Variants in SNX24 observed in about 807,000 individuals in gnomAD.
SNX24 encodes the protein sorting nexin 24, also known as sorting nexin-24.
Under a neutral mutation model 28.7 loss-of-function variants are expected in SNX24, and 22 were observed. That is an observed-to-expected ratio of 0.77 (90% confidence interval 0.55 to 1.10). The LOEUF (loss-of-function observed/expected upper bound fraction) is 1.10, where lower values mean the gene tolerates loss of function less well. SNX24 is among the 50% of genes least tolerant of loss of function. SNX24 has a pLI of 0.00. For missense variants in SNX24, 221 were observed against 201.1 expected, an observed-to-expected ratio of 1.10 and a Z score of -0.60; for synonymous variants, 69 against 71.5, an observed-to-expected ratio of 0.96 and a Z score of 0.18.
At chr5:122,883,490 C>T (rs935472996) in intron 1 of SNX24, among the ~76,000 whole-genome samples, 3 of 152,066 alleles carry the variant, frequency 2.0e-5, no homozygotes, top group Non-Finnish European at 4.4e-5. Context: ...TTTTAAACTT[C>T]TTTCGTTGGT....
chr5:122,976,776 G>C (rs755611406), intron 3 of SNX24, among the ~76,000 whole-genome samples: 1 of 152,250 alleles, frequency 6.6e-6, no homozygotes. Flanking sequence ...TAAATGCCTA[G>C]AGTGCGTAAA....
chr5:122,930,596 T>C (rs1370185795), intron 1 of SNX24, among the ~76,000 whole-genome samples: 1 of 152,208 alleles, frequency 6.6e-6, no homozygotes, highest in East Asian at 1.9e-4. Context: ...CTGGGATATA[T>C]AAACCCTTTT....
At chr5:122,874,434 G>A (rs1756133175) in intron 1 of SNX24, among the ~76,000 whole-genome samples, 1 of 152,226 alleles carries the variant, frequency 6.6e-6, no homozygotes, top group Non-Finnish European at 1.5e-5. Flanking sequence ...GAAAGCAGCT[G>A]GGTGAGATAT....
At chr5:122,940,092 C>T (rs1455407910) in intron 2 of SNX24, among the ~76,000 whole-genome samples, 1 of 151,922 alleles carries the variant, frequency 6.6e-6, no homozygotes, top group African/African-American at 2.4e-5. Flanking sequence ...CTCCCAGGTT[C>T]AAGCAATTCT....
At chr5:122,911,587 G>A (rs1757891361) in intron 1 of SNX24, among the ~76,000 whole-genome samples, 1 of 148,990 alleles carries the variant, frequency 6.7e-6, no homozygotes, top group Admixed American at 6.7e-5. Flanking sequence ...TTCTTCTAGG[G>A]TTTTTATGGT....
chr5:122,918,635 A>G (rs1758287915), intron 1 of SNX24, among the ~76,000 whole-genome samples: 1 of 152,224 alleles, frequency 6.6e-6, no homozygotes, highest in Non-Finnish European at 1.5e-5. Flanking sequence ...TAGATTAGGA[A>G]TTTAATAAAT....
chr5:122,875,929 C>A (rs1283002411), intron 1 of SNX24, among the ~76,000 whole-genome samples: 4 of 152,232 alleles, frequency 2.6e-5, no homozygotes, highest in African/African-American at 7.2e-5. Context: ...GCCTTATTAG[C>A]CCTGCATGGT....
intron 1 of SNX24, among the ~76,000 whole-genome samples, chr5:122,901,721 G>C (rs997889797): frequency 6.6e-5 from 10 of 152,074 alleles, no homozygotes; most frequent in Non-Finnish European, 1.3e-4. Flanking sequence ...TCCCTTGGAT[G>C]TGTCATACAC....
intron 1 of SNX24, among the ~76,000 whole-genome samples, chr5:122,857,703 C>T (rs1383053504): frequency 6.6e-6 from 1 of 152,128 alleles, no homozygotes; most frequent in African/African-American, 2.4e-5. Context: ...GGATAACGGC[C>T]TCCAGCTTCA....
intron 3 of SNX24, among the ~76,000 whole-genome samples, chr5:122,964,659 A>G (rs1175276608): frequency 2.0e-5 from 3 of 152,110 alleles, no homozygotes; most frequent in African/African-American, 7.2e-5. Context: ...GAAATTTTCA[A>G]TATATAAAAA....
chr5:122,980,978 GA>G (rs1212332767), intron 3 of SNX24, among the ~76,000 whole-genome samples: 2 of 152,014 alleles, frequency 1.3e-5, no homozygotes, highest in African/African-American at 4.8e-5. Context: ...AGGTCAAAGG[GA>G]ATCCGTAAGC....
intron 1 of SNX24, among the ~76,000 whole-genome samples, chr5:122,865,514 A>T (rs1755677912): frequency 6.6e-6 from 1 of 152,078 alleles, no homozygotes; most frequent in South Asian, 2.1e-4. Flanking sequence ...TATTTTTAGT[A>T]GAGTAGTAGA....
At chr5:122,961,550 G>A (rs917982985) in intron 3 of SNX24, among the ~76,000 whole-genome samples, 1 of 152,122 alleles carries the variant, frequency 6.6e-6, no homozygotes, top group Non-Finnish European at 1.5e-5. Flanking sequence ...TAACAGTACC[G>A]TCCTTCTACA....
At chr5:122,929,719 CAT>C (rs750584562) in intron 1 of SNX24, among the ~76,000 whole-genome samples, 1 of 151,806 alleles carries the variant, frequency 6.6e-6, no homozygotes, top group Non-Finnish European at 1.5e-5. Flanking sequence ...AGGTATTAAT[CAT>C]ATCTTTTTTT....
chr5:123,009,070 A>C lies in SNX24; in HGVS notation c.*1321A>C, dbSNP rs763762610. ...TTTAAAATATTATGATAGATTCTGT[A>C]CTACATGTGGGAAACAAGCAAGAAC... On this transcript the variant is annotated 3_prime_UTR_variant, in exon 7 of 7. Coordinates refer to ENST00000261369, the MANE Select transcript of SNX24 (RefSeq NM_014035.4). The C allele has an allele frequency of 4.9e-4, 481 of 985,374 alleles. No homozygotes were observed. Among genetic ancestry groups the C allele is most frequent in the Non-Finnish European group, 5.6e-4 (466 of 829,574 alleles). The allele number at this position is 985,374 out of a possible 1,614,324, so 61.0% of individuals were successfully genotyped here.
At chr5:122,894,983 ATCACT>A (rs10550764) in intron 1 of SNX24, among the ~76,000 whole-genome samples, 60,019 of 150,580 alleles carry the variant, frequency 0.4, 12,418 homozygotes, top group African/African-American at 0.48. Flanking sequence ...GTTTCAGTAA[ATCACT>A]TCATTTTAGT....
chr5:123,011,184 G>A (rs1029140849), downstream of SNX24, among the ~76,000 whole-genome samples: 1 of 151,922 alleles, frequency 6.6e-6, no homozygotes, highest in Non-Finnish European at 1.5e-5. Context: ...AAAGGACAGA[G>A]AAAGGAAACC....
downstream of SNX24, among the ~76,000 whole-genome samples, chr5:123,012,775 C>A (rs1014137626): frequency 3.3e-5 from 5 of 152,176 alleles, no homozygotes; most frequent in African/African-American, 1.2e-4. Flanking sequence ...GCTTTTGGCA[C>A]ACATACCAGT....
At chr5:122,861,603 C>T (rs946610436) in intron 1 of SNX24, among the ~76,000 whole-genome samples, 1 of 152,022 alleles carries the variant, frequency 6.6e-6, no homozygotes, top group African/African-American at 2.4e-5. Context: ...GAAAACCTTC[C>T]ACAAAGCTAA....
Sources: allele counts gnomAD v4.1 joint callset (sites outside exome capture counted in the v4.1 genomes callset), GRCh38; gene constraint gnomAD v4.1.1; transcripts MANE v1.5; gene names NCBI Gene and HGNC (gene_info 2026-07-23, HGNC 2026-07-21).